TARS3: variants seen among roughly 807,000 people sequenced by gnomAD.
The protein encoded by TARS3 is threonine--tRNA ligase 2, cytoplasmic.
In TARS3, 94 loss-of-function variants were observed where a neutral mutation model predicts 103.5. The ratio of observed to expected loss-of-function variants is 0.91; its 90% CI spans 0.77 to 1.08. The LOEUF (loss-of-function observed/expected upper bound fraction) is 1.08. Ranked by LOEUF, TARS3 falls within the 50% of genes least tolerant of loss-of-function variation. The probability of loss-of-function intolerance (pLI) is 0.00; values close to 1 mark genes in which losing one functional copy is unlikely to be tolerated. For synonymous variants in TARS3, 416 were observed against 355.4 expected (o/e 1.17, Z -1.92); for missense variants, 952 against 995.2 (o/e 0.96, Z 0.58).
At chr15:101,704,218 AG>A (rs1899425018) in intron 7 of TARS3, among the ~76,000 whole-genome samples, 1 of 152,234 alleles carries the variant, frequency 6.6e-6, no homozygotes, top group African/African-American at 2.4e-5. Flanking sequence ...TGGCTTACAG[AG>A]TGGCAAACAC....
intron 16 of TARS3, among the ~76,000 whole-genome samples, chr15:101,658,769 A>C (rs937731311): frequency 1.3e-5 from 2 of 152,166 alleles, no homozygotes; most frequent in Non-Finnish European, 2.9e-5. Flanking sequence ...AAACTGGGTA[A>C]AGAGTGTGCT....
intron 8 of TARS3, 43 bp from the exon 9 acceptor site, chr15:101,702,428 G>A (rs1899331027): frequency 6.5e-7 from 1 of 1,538,688 alleles, no homozygotes; most frequent in Admixed American, 1.7e-5. Flanking sequence ...CATACATTCA[G>A]TTGTAAGTAA....
intron 12 of TARS3, among the ~76,000 whole-genome samples, chr15:101,682,678 C>G (rs1898303012): frequency 6.6e-6 from 1 of 152,090 alleles, no homozygotes; most frequent in African/African-American, 2.4e-5. Context: ...ATTTCCTCCT[C>G]TTCAATTTTC....
At chr15:101,718,817 G>C (rs1460327855) in intron 3 of TARS3, among the ~76,000 whole-genome samples, 4 of 152,206 alleles carry the variant, frequency 2.6e-5, no homozygotes, top group Non-Finnish European at 5.9e-5. Context: ...GCTGCAAACA[G>C]ACCAGAGCCT....
At chr15:101,715,736 G>A (rs1248675762) in intron 3 of TARS3, among the ~76,000 whole-genome samples, 1 of 152,104 alleles carries the variant, frequency 6.6e-6, no homozygotes, top group Non-Finnish European at 1.5e-5. Context: ...GGTCGCCTAA[G>A]TCTTGCTATC....
chr15:101,712,043 T>C, intron 4 of TARS3, 42 bp from the exon 5 acceptor site: 2 of 1,573,344 alleles, frequency 1.3e-6, no homozygotes, highest in Non-Finnish European at 8.6e-7. Flanking sequence ...ACCAAAAGTA[T>C]GTCATGGAAA....
At chr15:101,669,544 G>T (rs146904603) in intron 15 of TARS3, among the ~76,000 whole-genome samples, 1 of 152,214 alleles carries the variant, frequency 6.6e-6, no homozygotes, top group Non-Finnish European at 1.5e-5. Context: ...AGCAGCTTCC[G>T]GTTATGCAAG....
At position 101,702,261 on chromosome 15, in the gene TARS3, C is replaced by T. The variant is rs778831100; in HGVS notation, c.1199G>A (p.Arg400Gln). The T allele has an allele frequency of 4.3e-5, 69 of 1,614,018 alleles. No homozygotes were observed. The highest frequency in any genetic ancestry group is 8.3e-5 in the Admixed American group (5 of 59,990). Residue 400 changes from arginine to glutamine, a missense_variant, in exon 9 of 19, where the codon CGA becomes CAA. This residue lies in a region of TARS3 where 540 missense variants were observed against 631.0 expected (regional missense o/e 0.86). Coordinates refer to ENST00000335968, the MANE Select transcript of TARS3 (RefSeq NM_152334.3). ...TACCTTCCCGATCTTCCTGTGATCT[C>T]GGTTCTTTGCTTCCTCTTGGAACTT... ...WEKFQEEAKNRDHRKIGKEQE... is the reference protein window; with the variant it reads ...WEKFQEEAKNQDHRKIGKEQE...
chr15:101,657,642 G>A (rs1897238850), intron 17 of TARS3, 143 bp downstream of exon 17: 1 of 521,194 alleles, frequency 1.9e-6, no homozygotes, highest in South Asian at 3.1e-5. Flanking sequence ...CATGATTCGT[G>A]TGTTACTCCC....
intron 4 of TARS3, among the ~76,000 whole-genome samples, chr15:101,714,054 AG>A (rs1567356058): frequency 6.6e-6 from 1 of 152,222 alleles, no homozygotes; most frequent in Non-Finnish European, 1.5e-5. Flanking sequence ...GACAGCTTGA[AG>A]GGCGACTGCA....
Position 101,654,472 on chromosome 15 carries a change from G to C in TARS3, c.*110C>G. The stretch of plus-strand genomic sequence containing the variant: ...CGTCTCCTTTCTCAGCTGAGGCCAT[G>C]AGTGGACCCATCAGTGGCTCCAAAG... On this transcript the variant is annotated 3_prime_UTR_variant, in exon 19 of 19. Coordinates refer to ENST00000335968, the MANE Select transcript of TARS3 (RefSeq NM_152334.3). The C allele has an allele frequency of 8.8e-7, 1 of 1,137,540 alleles. No homozygotes were observed. Among genetic ancestry groups the C allele is most frequent in the South Asian group, 1.6e-5 (1 of 63,162 alleles). 70.5% of individuals were successfully genotyped at this position (1,137,540 alleles called of 1,614,324 possible).
At position 101,721,109 on chromosome 15, in the gene TARS3, T is replaced by C; in HGVS notation, c.566+17A>G. ...TAATTACTTAAGATTGAATATCTTT[T>C]CCACACTGCGGTTTACCTAATTTCA... On this transcript the variant is annotated intron_variant, in intron 3 of 18. Transcript: ENST00000335968. 6.3e-7 allele frequency: 1 copy of C among 1,579,998 alleles called. No individual in the cohort carries two copies. The highest frequency in any genetic ancestry group is 8.7e-7 in the Non-Finnish European group (1 of 1,154,516).
At chr15:101,660,931 C>T (rs1446063922) in intron 16 of TARS3, among the ~76,000 whole-genome samples, 2 of 152,208 alleles carry the variant, frequency 1.3e-5, no homozygotes, top group African/African-American at 2.4e-5. Context: ...CCTCTGTTGG[C>T]CCATTCTGAG....
intron 17 of TARS3, among the ~76,000 whole-genome samples, chr15:101,657,548 G>T (rs572500668): frequency 4.6e-5 from 7 of 152,336 alleles, no homozygotes; most frequent in Admixed American, 1.3e-4. Context: ...GAGCTGTGTA[G>T]AAATGAATAA....
At chr15:101,696,210 C>CAAAAAAAAAAAA in intron 10 of TARS3, among the ~76,000 whole-genome samples, 1 of 81,766 alleles carries the variant, frequency 1.2e-5, no homozygotes, top group Non-Finnish European at 2.5e-5. Flanking sequence ...GACTTTGTCT[C>CAAAAAAAAAAAA]AAAAAAAAAA....
Position 101,711,870 on chromosome 15 carries a change from A to T in TARS3, c.812+10T>A. 2.5e-6 allele frequency: 4 copies of T among 1,613,116 alleles called. No homozygotes were observed. The highest frequency in any genetic ancestry group is 3.4e-6 in the Non-Finnish European group (4 of 1,179,430). ...CACATGCATTCACAAGCCAGTATTC[A>T]GTGTGTTACCTGTCTTCAATGAACA... On this transcript the variant is annotated intron_variant, in intron 5 of 18. Coordinates refer to ENST00000335968, the MANE Select transcript of TARS3 (RefSeq NM_152334.3).
chr15:101,687,313 G>C (rs1898517635), intron 10 of TARS3, among the ~76,000 whole-genome samples: 1 of 152,168 alleles, frequency 6.6e-6, no homozygotes, highest in Non-Finnish European at 1.5e-5. Context: ...TGAAGCAGGA[G>C]AATCGCTTGA....
chr15:101,712,537 C>T (rs1899919889), intron 4 of TARS3, among the ~76,000 whole-genome samples: 1 of 152,134 alleles, frequency 6.6e-6, no homozygotes, highest in Admixed American at 6.5e-5. Flanking sequence ...TGAAAGATGT[C>T]TCAGGAAGAA....
chr15:101,709,645 C>T (rs936678889), intron 5 of TARS3, among the ~76,000 whole-genome samples: 22 of 152,212 alleles, frequency 1.4e-4, no homozygotes, highest in African/African-American at 5.1e-4. Flanking sequence ...CATCACCACC[C>T]GGCAGCAGAT....
Sources: allele counts gnomAD v4.1 joint callset (sites outside exome capture counted in the v4.1 genomes callset), GRCh38; gene constraint gnomAD v4.1.1; regional missense constraint gnomAD v4.1.1; transcripts MANE v1.5; gene names NCBI Gene and HGNC (gene_info 2026-07-23, HGNC 2026-07-21).